Variants in LPAR3 observed in about 807,000 individuals in gnomAD.
LPAR3 encodes the protein lysophosphatidic acid receptor 3.
In LPAR3, 7 loss-of-function variants were observed where a neutral mutation model predicts 17.8. The ratio of observed to expected loss-of-function variants is 0.39; its 90% confidence interval spans 0.22 to 0.74. The LOEUF (loss-of-function observed/expected upper bound fraction) is 0.74, where lower values mean the gene tolerates loss of function less well. LPAR3 is among the 30% of genes least tolerant of loss of function. The pLI is 0.40. For synonymous variants in LPAR3, 179 were observed against 179.9 expected, an observed-to-expected ratio of 0.99 and a Z score of 0.04; for missense variants, 391 against 453.4, an observed-to-expected ratio of 0.86 and a Z score of 1.25.
chr1:84,816,429 A>C (rs368364647), intron 2 of LPAR3, among the ~76,000 whole-genome samples: 2 of 152,218 alleles, frequency 1.3e-5, no homozygotes, highest in Non-Finnish European at 2.9e-5. Context: ...TGTACATCTC[A>C]GAACAATCCA....
intron 2 of LPAR3, among the ~76,000 whole-genome samples, chr1:84,827,304 A>G (rs1204905237): frequency 6.6e-6 from 1 of 152,032 alleles, no homozygotes; most frequent in Non-Finnish European, 1.5e-5. Flanking sequence ...CAAGAGCACA[A>G]CTCTGGCTGG....
chr1:84,825,859 A>C (rs1659145262), intron 2 of LPAR3, among the ~76,000 whole-genome samples: 1 of 152,228 alleles, frequency 6.6e-6, no homozygotes, highest in Non-Finnish European at 1.5e-5. Context: ...GGGTACTCAG[A>C]AAATCTGATA....
chr1:84,840,483 G>C (rs1285912457), intron 2 of LPAR3, among the ~76,000 whole-genome samples: 1 of 152,182 alleles, frequency 6.6e-6, no homozygotes, highest in Non-Finnish European at 1.5e-5. Flanking sequence ...AATGGCAGAT[G>C]AATGAGTTGG....
At chr1:84,873,733 T>C (rs1004208183) in intron 1 of LPAR3, among the ~76,000 whole-genome samples, 21 of 150,102 alleles carry the variant, frequency 1.4e-4, no homozygotes, top group African/African-American at 5.2e-4. Context: ...TTTTGAACAG[T>C]TTTTTTTGTT....
At chr1:84,858,088 A>AT (rs1659862467) in intron 2 of LPAR3, among the ~76,000 whole-genome samples, 1 of 152,192 alleles carries the variant, frequency 6.6e-6, no homozygotes, top group South Asian at 2.1e-4. Context: ...TGACCTCATC[A>AT]TAAGAAGCAT....
chr1:84,852,769 G>A (rs1659743469), intron 2 of LPAR3, among the ~76,000 whole-genome samples: 1 of 152,060 alleles, frequency 6.6e-6, no homozygotes, highest in Non-Finnish European at 1.5e-5. Flanking sequence ...CAGCAGAGAA[G>A]GAACAGAAGG....
At chr1:84,838,180 G>C (rs1659440700) in intron 2 of LPAR3, among the ~76,000 whole-genome samples, 1 of 152,156 alleles carries the variant, frequency 6.6e-6, no homozygotes, top group African/African-American at 2.4e-5. Flanking sequence ...TGCGGCAAAA[G>C]GTATCTGACG....
chr1:84,858,830 G>A (rs537395715), intron 2 of LPAR3, among the ~76,000 whole-genome samples: 6 of 152,284 alleles, frequency 3.9e-5, no homozygotes, highest in African/African-American at 7.2e-5. Context: ...AATTAAGTAC[G>A]TTGATTGTTG....
intron 2 of LPAR3, among the ~76,000 whole-genome samples, chr1:84,817,261 T>TCACA (rs71097861): frequency 0.046 from 6,826 of 147,460 alleles, 477 homozygotes; most frequent in African/African-American, 0.15. Flanking sequence ...CCAGGATCTA[T>TCACA]CACACACACA....
intron 1 of LPAR3, among the ~76,000 whole-genome samples, chr1:84,876,217 C>A (rs1320956636): frequency 6.6e-6 from 1 of 152,116 alleles, no homozygotes; most frequent in African/African-American, 2.4e-5. Flanking sequence ...CCTCTCCTAC[C>A]CCGTGTTCTG....
At chr1:84,870,182 G>A (rs1660132987) in intron 1 of LPAR3, among the ~76,000 whole-genome samples, 1 of 152,142 alleles carries the variant, frequency 6.6e-6, no homozygotes, top group East Asian at 1.9e-4. Flanking sequence ...TAGTCTCAAT[G>A]TCCCCTCCAC....
At chr1:84,853,199 C>G (rs1269304667) in intron 2 of LPAR3, among the ~76,000 whole-genome samples, 1 of 151,622 alleles carries the variant, frequency 6.6e-6, no homozygotes, top group East Asian at 1.9e-4. Context: ...TCAGGGCTTA[C>G]ATTTTTGAAC....
chr1:84,883,211 G>A (rs1214260024), intron 1 of LPAR3, among the ~76,000 whole-genome samples: 1 of 152,214 alleles, frequency 6.6e-6, no homozygotes, highest in Non-Finnish European at 1.5e-5. Context: ...AGTCCACTGA[G>A]CTCCACGGTG....
At chr1:84,872,829 T>C (rs1333744481) in intron 1 of LPAR3, among the ~76,000 whole-genome samples, 1 of 152,166 alleles carries the variant, frequency 6.6e-6, no homozygotes, top group East Asian at 1.9e-4. Context: ...AAACACTACT[T>C]CAGCCAGATG....
In LPAR3 at chr1:84,865,991, T is replaced by TA. The variant is rs750875136; in HGVS notation, c.129dup (p.Ile44TyrfsTer5). Reference sequence around the variant, plus strand: ...ATGACCAGAGAATTAGAAAAAAAAATAAACAGGCAGAAAAACGTCCCAACA... The same window carrying TA: ...ATGACCAGAGAATTAGAAAAAAAAATAAAACAGGCAGAAAAACGTCCCAACA... On this transcript the variant is annotated frameshift_variant, in exon 2 of 3. Transcript: ENST00000370611. LOFTEE classifies it high-confidence loss of function. 6 of 1,613,714 alleles carry TA rather than the reference T, an allele frequency of 3.7e-6. No homozygotes were observed. The Admixed American group carries it at 1.0e-4, about 27-fold the overall frequency.
chr1:84,889,004 A>G (rs1886648), intron 1 of LPAR3, among the ~76,000 whole-genome samples: 100,650 of 151,942 alleles, frequency 0.66, 33,769 homozygotes, highest in East Asian at 0.85. Flanking sequence ...TCACATCTGA[A>G]GAGGGGTGAC....
At position 84,879,316 on chromosome 1, in the gene LPAR3, C is replaced by CTTTTT. The variant is rs1187756554; in HGVS notation, c.-18-13183_-18-13179dup. 4.6e-4 allele frequency among the ~76,000 whole-genome samples: 56 copies of CTTTTT among 120,620 alleles called. 4 individuals are homozygous for CTTTTT. Among genetic ancestry groups the CTTTTT allele is most frequent in the African/African-American group, 1.7e-3 (49 of 28,664 alleles). 79.1% of individuals were successfully genotyped at this position (120,620 alleles called of 152,430 possible). ...TTTTCTTTCTTTTCTTTTCTTTTTT[C>CTTTTT]TTTTTTTTTTTTTGAGATGGAATCT... is the stretch of plus-strand genomic sequence containing the variant. On this transcript the variant is annotated intron_variant, in intron 1 of 2. Transcript: ENST00000370611.
At chr1:84,818,938 T>C (rs1020764976) in intron 2 of LPAR3, among the ~76,000 whole-genome samples, 18 of 152,218 alleles carry the variant, frequency 1.2e-4, no homozygotes, top group Admixed American at 6.5e-4. Flanking sequence ...GTTTCGCTTT[T>C]TTCCCCCTCT....
chr1:84,891,943 G>C (rs566800115), intron 1 of LPAR3, among the ~76,000 whole-genome samples: 2 of 152,266 alleles, frequency 1.3e-5, no homozygotes, highest in East Asian at 3.9e-4. Context: ...GCCGGGCGCA[G>C]TGGCTCACAC....
Sources: allele counts gnomAD v4.1 joint callset (sites outside exome capture counted in the v4.1 genomes callset), GRCh38; gene constraint gnomAD v4.1.1; transcripts MANE v1.5; gene names NCBI Gene and HGNC (gene_info 2026-07-23, HGNC 2026-07-21).